The following VAV2 variants were observed in gnomAD, a reference collection of about 807,000 sequenced individuals.
VAV2 encodes the protein vav guanine nucleotide exchange factor 2, also known as guanine nucleotide exchange factor VAV2.
Under a neutral mutation model 132.5 loss-of-function variants are expected in VAV2, and 67 were observed. The observed-to-expected ratio is 0.51, with a 90% confidence interval of 0.42 to 0.62. The LOEUF (loss-of-function observed/expected upper bound fraction) is 0.62, where lower values mean the gene tolerates loss of function less well. Ranked by LOEUF, VAV2 falls within the 20% of genes least tolerant of loss-of-function variation. The pLI, the probability that VAV2 is intolerant of heterozygous loss-of-function variation, is 0.00. For missense variants in VAV2, 938 were observed against 1,153.6 expected (o/e 0.81, Z 2.71); for synonymous variants, 492 against 443.5 (o/e 1.11, Z -1.37).
At chr9:133,771,853 G>A in intron 26 of VAV2, 106 bp downstream of exon 26, 1 of 1,083,214 alleles carries the variant, frequency 9.2e-7, no homozygotes, top group Non-Finnish European at 1.4e-6. Flanking sequence ...GCCACACTGG[G>A]AAGAATCAAT....
rs75417567 is a variant in VAV2, at chr9:133,797,944, G to A, written c.837-135C>T. 1,351 of 705,566 alleles carry A rather than the reference G, an allele frequency of 1.9e-3. 11 individuals carry two copies. The African/African-American group carries it at 0.019, about 10-fold the overall frequency. The allele number at this position is 705,566 out of a possible 1,614,324, so 43.7% of individuals were successfully genotyped here. ...CCCCTCCCCTGACAGCTCCCTGCAC[G>A]TGGACACATTCAACGGCCAGGAGGC... On this transcript the variant is annotated intron_variant, in intron 9 of 29. Transcript: ENST00000371850.
chr9:133,789,052 C>T (rs1373635162), intron 14 of VAV2, among the ~76,000 whole-genome samples: 1 of 152,226 alleles, frequency 6.6e-6, no homozygotes. Context: ...TGGTGCCCGC[C>T]ACAGGCACAA....
chr9:133,796,046 G>A (rs951779686), intron 11 of VAV2, among the ~76,000 whole-genome samples: 3 of 152,228 alleles, frequency 2.0e-5, no homozygotes, highest in South Asian at 2.1e-4. Context: ...AAAGGGCCTC[G>A]CAAGGTGCCG....
chr9:133,860,410 G>A (rs1054701555), intron 3 of VAV2, among the ~76,000 whole-genome samples: 2 of 152,140 alleles, frequency 1.3e-5, no homozygotes, highest in Non-Finnish European at 2.9e-5. Context: ...GTGGGTTTAG[G>A]AACATTTACC....
At chr9:133,862,390 G>A (rs746075214) in intron 2 of VAV2, among the ~76,000 whole-genome samples, 7 of 152,244 alleles carry the variant, frequency 4.6e-5, no homozygotes, top group Admixed American at 3.9e-4. Context: ...CACAACTCAC[G>A]GGGTGAATGG....
chr9:133,811,488 C>T (rs1219207823), intron 5 of VAV2, among the ~76,000 whole-genome samples: 1 of 152,234 alleles, frequency 6.6e-6, no homozygotes, highest in Non-Finnish European at 1.5e-5. Context: ...GTCTGAGGGC[C>T]TGTGACCTGC....
intron 3 of VAV2, among the ~76,000 whole-genome samples, chr9:133,852,340 A>G (rs1280704736): frequency 1.4e-5 from 2 of 146,036 alleles, no homozygotes; most frequent in Non-Finnish European, 3.0e-5. Context: ...TGAATGGTAG[A>G]TGGGTAGATA....
Position 133,784,320 on chromosome 9 carries a change from A to C in VAV2, c.1631T>G (p.Leu544Arg), listed in dbSNP as rs1301910148. Reference sequence around the variant, plus strand: ...TGTAGCAGGGGGTTTCCCACACCTGAGGAACATTTTGCAGGCTTTGCAGTT... The same window carrying C: ...TGTAGCAGGGGGTTTCCCACACCTGCGGAACATTTTGCAGGCTTTGCAGTT... ...TTNCKACKMF[L>R]RGTFYQGYMC... Residue 544 changes from leucine (L) to arginine (R), a missense_variant, in exon 18 of 30, where the codon CTC becomes CGC. Transcript: ENST00000371850. 1.3e-5 allele frequency: 21 copies of C among 1,614,020 alleles called. No individual in the cohort carries two copies. The highest frequency in any genetic ancestry group is 1.7e-5 in the Non-Finnish European group (20 of 1,180,002).
At chr9:133,782,154 G>A (rs1248507976) in intron 19 of VAV2, among the ~76,000 whole-genome samples, 1 of 152,190 alleles carries the variant, frequency 6.6e-6, no homozygotes, top group Non-Finnish European at 1.5e-5. Context: ...AACTTGGAAG[G>A]AAATATACCG....
Position 133,788,581 on chromosome 9 carries a change from G to C in VAV2, c.1275-95C>G. 6.6e-7 allele frequency: 1 copy of C among 1,524,344 alleles called. No homozygotes were observed. The highest frequency in any genetic ancestry group is 1.2e-5 in the South Asian group (1 of 82,406). 94.4% of individuals were successfully genotyped at this position (1,524,344 alleles called of 1,614,324 possible). A position where few individuals can be genotyped will look rare whatever the true frequency, so the allele number is the denominator to read the frequency against. On this transcript the variant is annotated intron_variant, in intron 14 of 29. Coordinates refer to ENST00000371850, the MANE Select transcript of VAV2 (RefSeq NM_001134398.2). This position sits in a 1 kb window ranked among gnomAD's most constrained non-coding sequence, Gnocchi z 5.3. Reference sequence around the variant, plus strand: ...AGCTGAGCCTGAGGCTCTGGCACGCGGCTCCCTCTCCGGGCGAGCCCTGCC... The same window carrying C: ...AGCTGAGCCTGAGGCTCTGGCACGCCGCTCCCTCTCCGGGCGAGCCCTGCC...
At chr9:133,780,803 G>A (rs1490109366) in intron 19 of VAV2, 93 bp from the exon 20 acceptor site, 48 of 1,234,466 alleles carry the variant, frequency 3.9e-5, no homozygotes, top group Non-Finnish European at 4.8e-5. Flanking sequence ...CCTCTGGGCC[G>A]AGCTTAAGAT....
intron 2 of VAV2, among the ~76,000 whole-genome samples, chr9:133,911,358 G>A (rs867378615): frequency 1.3e-5 from 2 of 152,194 alleles, no homozygotes; most frequent in Non-Finnish European, 2.9e-5. Context: ...GCCTGCACAC[G>A]TGAAATGCGG....
In VAV2 at chr9:133,768,624, C is replaced by T; in HGVS notation, c.2435-28G>A. Reference sequence around the variant, plus strand: ...GTTGAGGGAGATGGGCAGCATCACACAGCTGCAGGAGGAGCCCAACCAGTG... The same window carrying T: ...GTTGAGGGAGATGGGCAGCATCACATAGCTGCAGGAGGAGCCCAACCAGTG... On this transcript the variant is annotated intron_variant, in intron 28 of 29. Coordinates refer to ENST00000371850, the MANE Select transcript of VAV2 (RefSeq NM_001134398.2). The surrounding 1 kb of genome is among the most constrained non-coding windows in gnomAD (Gnocchi z 5.3). 1 of 1,606,772 alleles carries T rather than the reference C, an allele frequency of 6.2e-7. No individual in the cohort carries two copies. The highest frequency in any genetic ancestry group is 8.5e-7 in the Non-Finnish European group (1 of 1,176,682).
chr9:133,856,990 A>G (rs1036748156), intron 3 of VAV2, among the ~76,000 whole-genome samples: 4 of 152,038 alleles, frequency 2.6e-5, no homozygotes, highest in African/African-American at 9.7e-5. Flanking sequence ...ACACAGAGCA[A>G]CCCCGCGAGG....
chr9:133,917,609 C>G (rs888598144), intron 2 of VAV2, among the ~76,000 whole-genome samples: 16 of 152,306 alleles, frequency 1.1e-4, no homozygotes, highest in East Asian at 5.8e-4. Flanking sequence ...TTGCCTACCC[C>G]CTCTGGGCCT....
chr9:133,975,151 C>A (rs1382354874), intron 1 of VAV2, among the ~76,000 whole-genome samples: 1 of 152,206 alleles, frequency 6.6e-6, no homozygotes, highest in Non-Finnish European at 1.5e-5. Context: ...CAACTCCTAC[C>A]CCGAGGCAGA....
chr9:133,952,100 T>C (rs1564494186), intron 1 of VAV2, among the ~76,000 whole-genome samples: 1 of 152,004 alleles, frequency 6.6e-6, no homozygotes, highest in Non-Finnish European at 1.5e-5. Flanking sequence ...CTAAACCCAA[T>C]TACCTCAAAA....
intron 4 of VAV2, among the ~76,000 whole-genome samples, chr9:133,819,659 G>A (rs114215583): frequency 0.01 from 1,583 of 152,170 alleles, 34 homozygotes; most frequent in African/African-American, 0.037. Flanking sequence ...CCTTCCTACC[G>A]GGCCCTCCTT....
chr9:133,822,007 C>T (rs991826918), intron 4 of VAV2, among the ~76,000 whole-genome samples: 5 of 152,168 alleles, frequency 3.3e-5, no homozygotes, highest in African/African-American at 4.8e-5. Context: ...GGAGGGGCCC[C>T]GAGCACGGCT....
Sources: allele counts gnomAD v4.1 joint callset (sites outside exome capture counted in the v4.1 genomes callset), GRCh38; gene constraint gnomAD v4.1.1; non-coding constraint Gnocchi (gnomAD v3.1); transcripts MANE v1.5; gene names NCBI Gene and HGNC (gene_info 2026-07-23, HGNC 2026-07-21).